The following ALMS1 variants were observed in gnomAD, a reference collection of about 807,000 sequenced individuals.
ALMS1 encodes the protein centrosome-associated protein ALMS1.
In ALMS1, 271 loss-of-function variants were observed where a neutral mutation model predicts 352.2. That is an observed-to-expected ratio of 0.77 (90% CI 0.70 to 0.85). The LOEUF (loss-of-function observed/expected upper bound fraction) is 0.85. ALMS1 is among the 40% of genes least tolerant of loss of function. ALMS1 has a pLI of 0.00. For synonymous variants in ALMS1, 1,865 were observed against 1,761.2 expected (o/e 1.06, Z -1.48); for missense variants, 5,445 against 4,870.7 (o/e 1.12, Z -3.51).
intron 9 of ALMS1, chr2:73,458,404 A>T (rs1297476524): frequency 6.6e-6 from 1 of 152,222 alleles, no homozygotes; most frequent in Admixed American, 6.5e-5. Context: ...CCAAAAATAC[A>T]TATTGAATGC....
chr2:73,394,640 G>A (rs750165811), intron 1 of ALMS1, among the ~76,000 whole-genome samples: 21 of 152,044 alleles, frequency 1.4e-4, no homozygotes, highest in Admixed American at 3.3e-4. Context: ...GTGAGCCACC[G>A]TGCCTGGCCT....
chr2:73,568,995 CTTTTTTTTTTTTTTTTTTTTTTTT>C (rs747436819), intron 15 of ALMS1, among the ~76,000 whole-genome samples: 2 of 53,532 alleles, frequency 3.7e-5, no homozygotes, highest in African/African-American at 8.1e-5. Flanking sequence ...GCTTCTGCTT[CTTTTTTTTTTTTTTTTTTTTTTTT>C]TTTTTTTTTT....
At chr2:73,409,270 T>C (rs1279088823) in intron 2 of ALMS1, among the ~76,000 whole-genome samples, 1 of 152,108 alleles carries the variant, frequency 6.6e-6, no homozygotes, top group Non-Finnish European at 1.5e-5. Flanking sequence ...GACTCTTATT[T>C]TTATTTTTAG....
intron 21 of ALMS1, among the ~76,000 whole-genome samples, chr2:73,604,922 G>A (rs1345256551): frequency 2.0e-5 from 3 of 152,108 alleles, no homozygotes; most frequent in African/African-American, 4.8e-5. Context: ...ACAGCCTCCC[G>A]CCAGGAGTGT....
At chr2:73,495,288 G>T (rs1673081320) in intron 10 of ALMS1, among the ~76,000 whole-genome samples, 1 of 152,098 alleles carries the variant, frequency 6.6e-6, no homozygotes, top group African/African-American at 2.4e-5. Context: ...AGGCTGGAGT[G>T]CAGTGGCGTG....
chr2:73,559,085 A>G lies in ALMS1; in HGVS notation c.10327A>G (p.Thr3443Ala). The G allele has an allele frequency of 6.2e-7, 1 of 1,614,038 alleles. No homozygotes were observed. The highest frequency in any genetic ancestry group is 8.5e-7 in the Non-Finnish European group (1 of 1,179,964). The stretch of plus-strand genomic sequence containing the variant: ...GAAAGAGGAGATCCATAGGAAGAAG[A>G]CAGTTCCCGAGGAAGCCTGGCCAAA... ...TQKEEIHRKKTVPEEAWPNNK... is the reference protein window; with the variant it reads ...TQKEEIHRKKAVPEEAWPNNK... Residue 3443 changes from threonine to alanine, a missense_variant, in exon 15 of 23, where the codon ACA becomes GCA. Thr to Ala is a moderately conservative substitution (Grantham distance 58). Transcript: ENST00000613296.
intron 1 of ALMS1, among the ~76,000 whole-genome samples, chr2:73,386,471 TGA>T: frequency 6.6e-6 from 1 of 152,178 alleles, no homozygotes; most frequent in Non-Finnish European, 1.5e-5. Flanking sequence ...TGAGAAACGC[TGA>T]GAGAGGACCA....
chr2:73,439,455 C>T (rs979595248), intron 7 of ALMS1, among the ~76,000 whole-genome samples: 1 of 152,002 alleles, frequency 6.6e-6, no homozygotes, highest in African/African-American at 2.4e-5. Context: ...CTTACTATGT[C>T]ATTATGTTTG....
chr2:73,415,801 AT>A (rs1671172717), intron 2 of ALMS1, among the ~76,000 whole-genome samples: 1 of 152,196 alleles, frequency 6.6e-6, no homozygotes, highest in Non-Finnish European at 1.5e-5. Flanking sequence ...TGCTGAGCAA[AT>A]AGGATAATGG....
At chr2:73,587,387 C>G (rs531204748) in intron 16 of ALMS1, among the ~76,000 whole-genome samples, 2 of 152,246 alleles carry the variant, frequency 1.3e-5, no homozygotes, top group Non-Finnish European at 2.9e-5. Context: ...AACCTTTTCC[C>G]CATTCAGTAT....
intron 21 of ALMS1, among the ~76,000 whole-genome samples, chr2:73,607,914 A>C (rs1675849741): frequency 1.3e-5 from 2 of 149,496 alleles, no homozygotes; most frequent in African/African-American, 5.0e-5. Context: ...CACCCACCTC[A>C]GCCTCCCAAA....
intron 7 of ALMS1, among the ~76,000 whole-genome samples, chr2:73,438,248 AG>A (rs1191957954): frequency 6.6e-6 from 1 of 152,212 alleles, no homozygotes; most frequent in Non-Finnish European, 1.5e-5. Flanking sequence ...CCTTGATATT[AG>A]TTGCCCTGAT....
chr2:73,508,838 A>C (rs544833286), intron 10 of ALMS1, among the ~76,000 whole-genome samples: 3 of 152,140 alleles, frequency 2.0e-5, no homozygotes, highest in African/African-American at 7.2e-5. Flanking sequence ...GTCTCCCACT[A>C]TTACCGTGTG....
rs777836664 is a variant in ALMS1 at position 73,451,762 on chromosome 2, T to C, written c.5235T>C (p.Ala1745=). 9.3e-6 allele frequency: 15 copies of C among 1,614,102 alleles called. No individual in the cohort carries two copies. Among genetic ancestry groups the C allele is most frequent in the East Asian group, 2.2e-5 (1 of 44,882 alleles). ...ALKVSAVPQP[A]DQKTGLSTVT... ...AAGTTTCAGCTGTTCCTCAACCAGC[T>C]GACCAGAAGACTGGGTTATCTACTG... The change falls in exon 8 of 23, where the codon GCT becomes GCC. Residue 1745 remains alanine (A), a synonymous_variant. Transcript: ENST00000613296.
chr2:73,523,643 T>C (rs1673729582), intron 11 of ALMS1, among the ~76,000 whole-genome samples: 1 of 152,148 alleles, frequency 6.6e-6, no homozygotes, highest in Admixed American at 6.5e-5. Context: ...GGCACATGCC[T>C]GTAATCCCAG....
chr2:73,485,050 C>G (rs550031982), intron 9 of ALMS1, among the ~76,000 whole-genome samples: 15 of 152,258 alleles, frequency 9.9e-5, no homozygotes, highest in South Asian at 6.2e-4. Context: ...GTAATTTGAT[C>G]GTCTGAAGCC....
At chr2:73,454,273 A>G in intron 8 of ALMS1, 4 of 973,220 alleles carry the variant, frequency 4.1e-6, no homozygotes, top group Non-Finnish European at 3.7e-6. Context: ...TAAAAAGCCT[A>G]TTTAACCAAT....
intron 1 of ALMS1, among the ~76,000 whole-genome samples, chr2:73,397,663 G>A (rs1670790324): frequency 6.6e-6 from 1 of 152,112 alleles, no homozygotes; most frequent in South Asian, 2.1e-4. Flanking sequence ...GTAGAGATGG[G>A]ATTTCACCAT....
At chr2:73,592,347 A>T (rs1237615668) in intron 16 of ALMS1, among the ~76,000 whole-genome samples, 4 of 152,210 alleles carry the variant, frequency 2.6e-5, no homozygotes, top group Admixed American at 2.6e-4. Flanking sequence ...ATGTCACAGC[A>T]TTATTTTTTG....
Sources: gnomAD v4.1 joint callset for allele counts (sites outside exome capture counted in the v4.1 genomes callset) on GRCh38, gnomAD v4.1.1 for gene constraint, MANE v1.5 for transcripts, NCBI Gene and HGNC (gene_info 2026-07-23, HGNC 2026-07-21) for gene names.